Variants in PCDHA8 observed in about 807,000 individuals in gnomAD.
PCDHA8 encodes the protein protocadherin alpha-8.
Under a neutral mutation model 61.8 loss-of-function variants are expected in PCDHA8, and 53 were observed. The observed-to-expected ratio is 0.86, with a 90% CI of 0.69 to 1.08. The LOEUF is 1.08. Among genes scored for constraint, PCDHA8 ranks in the 50% least tolerant of loss-of-function variants. PCDHA8 has a pLI of 0.00. For synonymous variants in PCDHA8, 618 were observed against 556.6 expected, an observed-to-expected ratio of 1.11 and a Z score of -1.55; for missense variants, 1,293 against 1,245.0, an observed-to-expected ratio of 1.04 and a Z score of -0.58.
chr5:140,883,702 T>G (rs367854871), intron 1 of PCDHA8: 3 of 1,613,750 alleles, frequency 1.9e-6, no homozygotes, highest in Non-Finnish European at 2.5e-6. Flanking sequence ...TCACGGTGTC[T>G]GCTCAGGACG....
rs782453395 is a variant in PCDHA8 at position 140,875,890 on chromosome 5, G to T, written c.2394+32175G>T. 79 of 1,614,062 alleles carry T rather than the reference G, an allele frequency of 4.9e-5. No homozygotes were observed. Among genetic ancestry groups the T allele is most frequent in the Non-Finnish European group, 5.9e-5 (70 of 1,180,034 alleles). On this transcript the variant is annotated intron_variant, in intron 1 of 3. Coordinates refer to ENST00000531613, the MANE Select transcript of PCDHA8 (RefSeq NM_018911.3). ...GGTGTTCAGAGAAAGGGAACAAAAG[G>T]TACCTGTTTCTGAATCTGCGCCTCT...
At chr5:140,949,694 G>C (rs1447787366) in intron 1 of PCDHA8, among the ~76,000 whole-genome samples, 1 of 151,590 alleles carries the variant, frequency 6.6e-6, no homozygotes, top group Non-Finnish European at 1.5e-5. Context: ...CGTATTGTTG[G>C]ATCTTGCTGT....
chr5:140,841,264 T>C lies in PCDHA8; in HGVS notation c.-58T>C, dbSNP rs1777117018. ...GAATTGGATTAAAAGACTCTGAAAGTACAGTCGTTCATCTTTATATTAAGA... is the reference window on the plus strand; with the variant it reads ...GAATTGGATTAAAAGACTCTGAAAGCACAGTCGTTCATCTTTATATTAAGA... On this transcript the variant is annotated 5_prime_UTR_variant, in exon 1 of 4. Coordinates refer to ENST00000531613, the MANE Select transcript of PCDHA8 (RefSeq NM_018911.3). 6.6e-7 allele frequency: 1 copy of C among 1,522,190 alleles called. No homozygotes were observed. Among genetic ancestry groups the C allele is most frequent in the Admixed American group, 2.2e-5 (1 of 46,378 alleles). 94.3% of individuals were successfully genotyped at this position (1,522,190 alleles called of 1,614,324 possible).
At chr5:140,905,234 C>T (rs1303215169) in intron 1 of PCDHA8, among the ~76,000 whole-genome samples, 1 of 152,144 alleles carries the variant, frequency 6.6e-6, no homozygotes, top group African/African-American at 2.4e-5. Flanking sequence ...GATGAGGATC[C>T]AGTTTCATTC....
intron 1 of PCDHA8, among the ~76,000 whole-genome samples, chr5:140,913,921 C>T (rs782350245): frequency 1.4e-4 from 22 of 152,018 alleles, no homozygotes; most frequent in South Asian, 1.2e-3. Flanking sequence ...AATTTTACTT[C>T]ATTGTGGTCA....
At chr5:140,947,234 AAAAAT>A (rs1164220377) in intron 1 of PCDHA8, among the ~76,000 whole-genome samples, 3 of 151,602 alleles carry the variant, frequency 2.0e-5, no homozygotes, top group Non-Finnish European at 3.0e-5. Flanking sequence ...GACAGGAAAA[AAAAAT>A]AAGATAATCC....
intron 1 of PCDHA8, among the ~76,000 whole-genome samples, chr5:140,959,390 A>G (rs1554224055): frequency 6.6e-6 from 1 of 152,146 alleles, no homozygotes; most frequent in African/African-American, 2.4e-5. Context: ...AAAAGTCACA[A>G]ATTAAGATAA....
intron 1 of PCDHA8, chr5:140,849,896 C>G: frequency 6.3e-7 from 1 of 1,598,590 alleles, no homozygotes; most frequent in Non-Finnish European, 8.6e-7. Flanking sequence ...TGAAGGAGAA[C>G]AACCCGCCGG....
intron 1 of PCDHA8, among the ~76,000 whole-genome samples, chr5:140,894,197 A>G (rs1378272032): frequency 6.6e-6 from 1 of 152,008 alleles, no homozygotes; most frequent in Admixed American, 6.6e-5. Context: ...TATTTTTTCT[A>G]TGCTATTATA....
intron 1 of PCDHA8, among the ~76,000 whole-genome samples, chr5:140,958,989 A>C (rs2095457963): frequency 6.6e-6 from 1 of 152,064 alleles, no homozygotes; most frequent in Non-Finnish European, 1.5e-5. Flanking sequence ...TATTGTTGCT[A>C]ATCTTTTACT....
intron 1 of PCDHA8, among the ~76,000 whole-genome samples, chr5:140,897,779 G>T (rs1157810079): frequency 6.6e-6 from 1 of 152,138 alleles, no homozygotes; most frequent in Non-Finnish European, 1.5e-5. Flanking sequence ...CTTCCACAAT[G>T]GTTGAACTAG....
chr5:140,897,368 GTTCCC>G (rs533733561), intron 1 of PCDHA8, among the ~76,000 whole-genome samples: 1,322 of 125,926 alleles, frequency 0.01, 14 homozygotes, highest in African/African-American at 0.03. Flanking sequence ...AGAGTGTGAT[GTTCCC>G]TTCCCCTTCC....
chr5:140,935,995 C>T (rs1282709145), intron 1 of PCDHA8, among the ~76,000 whole-genome samples: 7 of 150,888 alleles, frequency 4.6e-5, no homozygotes, highest in South Asian at 2.1e-4. Context: ...CGGGTTCAAG[C>T]GATTCTCCCA....
At chr5:140,935,767 T>C (rs1373324342) in intron 1 of PCDHA8, among the ~76,000 whole-genome samples, 2 of 152,184 alleles carry the variant, frequency 1.3e-5, no homozygotes, top group Non-Finnish European at 2.9e-5. Flanking sequence ...TCTTCCCCAC[T>C]TTGAGTTTTT....
chr5:140,923,959 C>A (rs2153570659), intron 1 of PCDHA8, among the ~76,000 whole-genome samples: 1 of 152,348 alleles, frequency 6.6e-6, no homozygotes, highest in Non-Finnish European at 1.5e-5. Context: ...ACGCCCTAAT[C>A]TATACCCACA....
intron 3 of PCDHA8, among the ~76,000 whole-genome samples, chr5:141,008,809 C>A (rs1397377778): frequency 6.6e-6 from 1 of 152,160 alleles, no homozygotes; most frequent in African/African-American, 2.4e-5. Flanking sequence ...CAAATAGGCT[C>A]AATTTACAAC....
chr5:140,848,973 G>A, intron 1 of PCDHA8: 1 of 1,600,934 alleles, frequency 6.2e-7, no homozygotes, highest in South Asian at 1.1e-5. Context: ...CGCGTCCGAT[G>A]CAGATATCGG....
At position 140,992,285 on chromosome 5, in the gene PCDHA8, A is replaced by G. The variant is rs114469876; in HGVS notation, c.2542+9722A>G. On this transcript the variant is annotated intron_variant, in intron 3 of 3. Transcript: ENST00000531613. ...AGTTCTTTTCGTAGCACATCCCTGCAAAGGATGGGAGTATTGTTTTGGTGG... is the reference window on the plus strand; with the variant it reads ...AGTTCTTTTCGTAGCACATCCCTGCGAAGGATGGGAGTATTGTTTTGGTGG... 2.6e-3 allele frequency among the ~76,000 whole-genome samples: 395 copies of G among 152,336 alleles called. 1 individual carries two copies. The highest frequency in any genetic ancestry group is 8.7e-3 in the African/African-American group (360 of 41,578).
chr5:140,969,305 A>C (rs1481597194), intron 1 of PCDHA8: 1 of 1,614,206 alleles, frequency 6.2e-7, no homozygotes, highest in East Asian at 2.2e-5. Flanking sequence ...GATTATTCTC[A>C]AAAATGAGGC....
Sources: gnomAD v4.1 joint callset for allele counts (sites outside exome capture counted in the v4.1 genomes callset) on GRCh38, gnomAD v4.1.1 for gene constraint, MANE v1.5 for transcripts, NCBI Gene and HGNC (gene_info 2026-07-23, HGNC 2026-07-21) for gene names.